LRRIQ1: variants seen among roughly 807,000 people sequenced by gnomAD.
The protein encoded by LRRIQ1 is leucine rich repeats and IQ motif containing 1, also known as leucine-rich repeat- and IQ domain-containing protein 1.
Under a neutral mutation model 211.9 loss-of-function variants are expected in LRRIQ1, and 210 were observed. The observed-to-expected ratio is 0.99, with a 90% CI of 0.89 to 1.11. The LOEUF is 1.11. Among genes scored for constraint, LRRIQ1 ranks in the 50% most tolerant of loss-of-function variants. The probability of loss-of-function intolerance (pLI) is 0.00; values close to 1 mark genes in which losing one functional copy is unlikely to be tolerated. For missense variants in LRRIQ1, 2,136 were observed against 1,939.5 expected (o/e 1.10, Z -1.90); for synonymous variants, 699 against 650.1 (o/e 1.08, Z -1.14).
At chr12:85,208,881 A>G (rs1592973045) in intron 24 of LRRIQ1, among the ~76,000 whole-genome samples, 1 of 152,100 alleles carries the variant, frequency 6.6e-6, no homozygotes, top group East Asian at 1.9e-4. Context: ...AATACTGGCA[A>G]TTTTCTATAG....
intron 25 of LRRIQ1, 69 bp from the exon 26 acceptor site, chr12:85,232,627 G>T: frequency 8.1e-7 from 1 of 1,238,852 alleles, no homozygotes; most frequent in Non-Finnish European, 1.2e-6. Context: ...CTTTTTAGTT[G>T]GACGTTTCTT....
At chr12:85,131,678 G>A (rs1888774451) in intron 18 of LRRIQ1, among the ~76,000 whole-genome samples, 1 of 152,100 alleles carries the variant, frequency 6.6e-6, no homozygotes, top group Non-Finnish European at 1.5e-5. Flanking sequence ...GAATGTAGGG[G>A]TAACATGGTG....
chr12:85,229,109 T>A (rs974042015), intron 24 of LRRIQ1, among the ~76,000 whole-genome samples: 3 of 152,164 alleles, frequency 2.0e-5, no homozygotes, highest in Non-Finnish European at 2.9e-5. Context: ...ACACTCAATA[T>A]AATTTATAAA....
intron 23 of LRRIQ1, among the ~76,000 whole-genome samples, chr12:85,158,470 A>G (rs953528132): frequency 4.6e-5 from 7 of 152,004 alleles, no homozygotes; most frequent in Admixed American, 3.9e-4. Context: ...TGTAAGAAGA[A>G]AAATACTAAA....
chr12:85,238,021 A>G (rs924703224), intron 26 of LRRIQ1, among the ~76,000 whole-genome samples: 7 of 152,126 alleles, frequency 4.6e-5, no homozygotes, highest in African/African-American at 1.7e-4. Flanking sequence ...AAATATATTC[A>G]GAGATCTAAA....
intron 7 of LRRIQ1, among the ~76,000 whole-genome samples, chr12:85,053,253 G>A (rs1341434801): frequency 6.6e-6 from 1 of 152,022 alleles, no homozygotes; most frequent in Admixed American, 6.6e-5. Flanking sequence ...TGGGGCAGAA[G>A]CAAAGAGGTA....
intron 10 of LRRIQ1, 122 bp from the exon 11 acceptor site, chr12:85,072,785 C>T: frequency 2.0e-6 from 1 of 496,706 alleles, no homozygotes; most frequent in South Asian, 5.9e-5. Context: ...TATTTTTATA[C>T]AGTATAGATT....
At position 85,235,125 on chromosome 12, in the gene LRRIQ1, A is replaced by G. The variant is rs887504715; in HGVS notation, c.5016+2369A>G. On this transcript the variant is annotated intron_variant, in intron 26 of 26. Transcript: ENST00000393217. ...GATATTGAGGAAACTAGTAAATAAC[A>G]TTTCTGTCTTTCAAGGAAGAGCAAA... Among the ~76,000 whole-genome samples the G allele has an allele frequency of 2.6e-5, 4 of 152,202 alleles. No homozygotes were observed. In the East Asian group the frequency reaches 7.7e-4, roughly 29 times the overall value.
downstream of LRRIQ1, among the ~76,000 whole-genome samples, chr12:85,245,753 T>C (rs941488934): frequency 6.6e-6 from 1 of 150,910 alleles, no homozygotes; most frequent in African/African-American, 2.4e-5. Flanking sequence ...TAATATTACA[T>C]TTTGTTAATT....
In LRRIQ1 at chr12:85,057,036, C is replaced by A. The variant is rs1008575272; in HGVS notation, c.2243C>A (p.Ser748Ter). The change falls in exon 8 of 27, where the codon TCA becomes TAA. Residue 748 changes from serine (S) to a stop codon, truncating the protein, a stop_gained. Coordinates refer to ENST00000393217, the MANE Select transcript of LRRIQ1 (RefSeq NM_001079910.2). LOFTEE classifies it high-confidence loss of function. ...IEERRLAWIK[S>*]FKPWLEIFKQ... ...GAAAGGAGACTAGCCTGGATAAAAT[C>A]ATTTAAACCTTGGCTTGAAATTTTC... The A allele has an allele frequency of 1.2e-6, 2 of 1,608,224 alleles. No homozygotes were observed. The highest frequency in any genetic ancestry group is 2.2e-5 in the South Asian group (2 of 89,846).
chr12:85,082,042 T>C (rs1230338220), intron 11 of LRRIQ1, among the ~76,000 whole-genome samples: 60 of 152,100 alleles, frequency 3.9e-4, no homozygotes, highest in Non-Finnish European at 8.8e-5. Context: ...ATTAAAACTT[T>C]GACTCACTTT....
intron 8 of LRRIQ1, among the ~76,000 whole-genome samples, chr12:85,062,163 T>C (rs1226500089): frequency 9.9e-5 from 15 of 151,884 alleles, no homozygotes. Context: ...TAATTTTAAG[T>C]ATGGTATACA....
At chr12:85,252,579 A>G (rs1443604803) in intron 1 of LRRIQ1, among the ~76,000 whole-genome samples, 1 of 151,892 alleles carries the variant, frequency 6.6e-6, no homozygotes, top group Non-Finnish European at 1.5e-5. Context: ...AAGTTTTTCA[A>G]TTTATGGAAT....
intron 24 of LRRIQ1, among the ~76,000 whole-genome samples, chr12:85,194,926 C>G (rs1372490027): frequency 6.6e-6 from 1 of 151,796 alleles, no homozygotes; most frequent in Non-Finnish European, 1.5e-5. Context: ...AGACCGCTAG[C>G]AAGACTAATA....
intron 11 of LRRIQ1, among the ~76,000 whole-genome samples, chr12:85,091,179 C>G (rs1432652014): frequency 6.6e-6 from 1 of 152,126 alleles, no homozygotes; most frequent in Non-Finnish European, 1.5e-5. Flanking sequence ...AAGATGCCAG[C>G]ACCATACTTT....
chr12:85,160,254 C>A (rs923857694), intron 23 of LRRIQ1, among the ~76,000 whole-genome samples: 1 of 151,792 alleles, frequency 6.6e-6, no homozygotes, highest in African/African-American at 2.4e-5. Context: ...TACATTAGGG[C>A]AAAGAAAAAC....
intron 3 of LRRIQ1, among the ~76,000 whole-genome samples, chr12:85,043,532 G>A (rs982906389): frequency 1.3e-5 from 2 of 152,032 alleles, no homozygotes; most frequent in South Asian, 2.1e-4. Flanking sequence ...GACATCATGC[G>A]TCATTTCTGC....
chr12:85,104,701 C>T (rs576621581), intron 14 of LRRIQ1, among the ~76,000 whole-genome samples: 28 of 152,014 alleles, frequency 1.8e-4, no homozygotes, highest in African/African-American at 6.7e-4. Flanking sequence ...CCCTGTTGAA[C>T]ATACTTTGAT....
rs565007502 is a variant in LRRIQ1 at position 85,241,404 on chromosome 12, T to A, written c.5017-3385T>A. 5.3e-5 allele frequency among the ~76,000 whole-genome samples: 8 copies of A among 152,166 alleles called. No homozygotes were observed. The South Asian group carries it at 1.7e-3, about 32-fold the overall frequency. Reference sequence around the variant, plus strand: ...ATGATGTATTATGAATTTAGGAGTATGCATAATTCATTTTCTTTACATGAA... The same window carrying A: ...ATGATGTATTATGAATTTAGGAGTAAGCATAATTCATTTTCTTTACATGAA... On this transcript the variant is annotated intron_variant, in intron 26 of 26. Transcript: ENST00000393217.
Sources: allele counts gnomAD v4.1 joint callset (sites outside exome capture counted in the v4.1 genomes callset), GRCh38; gene constraint gnomAD v4.1.1; transcripts MANE v1.5; gene names NCBI Gene and HGNC (gene_info 2026-07-23, HGNC 2026-07-21).